MACROD2: variants seen among roughly 807,000 people sequenced by gnomAD.
The protein encoded by MACROD2 is ADP-ribose glycohydrolase MACROD2.
MACROD2 carries 36 observed loss-of-function variants against 70.4 expected under a neutral mutation model. The ratio of observed to expected loss-of-function variants is 0.51; its 90% CI spans 0.39 to 0.68. The LOEUF is 0.68. Ranked by LOEUF, MACROD2 falls within the 30% of genes least tolerant of loss-of-function variation. MACROD2 has a pLI of 0.00. For synonymous variants in MACROD2, 172 were observed against 178.8 expected, an observed-to-expected ratio of 0.96 and a Z score of 0.30; for missense variants, 496 against 538.4, an observed-to-expected ratio of 0.92 and a Z score of 0.78.
chr20:14,051,886 C>G (rs755161030), intron 2 of MACROD2: 1 of 515,986 alleles, frequency 1.9e-6, no homozygotes, highest in South Asian at 1.4e-5. Context: ...TATGCCACAT[C>G]TACTATAAAC....
At chr20:14,617,088 A>G (rs11699420) in intron 4 of MACROD2, among the ~76,000 whole-genome samples, 26,918 of 152,108 alleles carry the variant, frequency 0.18, 3,201 homozygotes, top group Non-Finnish European at 0.26. Context: ...CTAGTCATGT[A>G]TCATTCAGTC....
chr20:14,350,390 T>G (rs2122692273), intron 3 of MACROD2, among the ~76,000 whole-genome samples: 1 of 152,180 alleles, frequency 6.6e-6, no homozygotes, highest in Non-Finnish European at 1.5e-5. Flanking sequence ...TCGCCAGCAT[T>G]TATTATTGCC....
At chr20:14,818,351 A>G (rs2072797317) in intron 5 of MACROD2, among the ~76,000 whole-genome samples, 3 of 151,958 alleles carry the variant, frequency 2.0e-5, no homozygotes, top group Non-Finnish European at 4.4e-5. Flanking sequence ...AAATCCTACT[A>G]CCTTCTGGAG....
chr20:15,356,996 G>T (rs1432788932), intron 6 of MACROD2, among the ~76,000 whole-genome samples: 1 of 152,048 alleles, frequency 6.6e-6, no homozygotes, highest in Non-Finnish European at 1.5e-5. Flanking sequence ...GGATAACTTG[G>T]AAAATCCCTT....
intron 5 of MACROD2, among the ~76,000 whole-genome samples, chr20:14,911,702 T>G (rs2074029822): frequency 6.6e-6 from 1 of 152,020 alleles, no homozygotes; most frequent in Non-Finnish European, 1.5e-5. Flanking sequence ...TCCCCCTTCT[T>G]CTTGCTGATA....
intron 8 of MACROD2, among the ~76,000 whole-genome samples, chr20:15,516,594 G>A (rs2047570844): frequency 6.6e-6 from 1 of 152,112 alleles, no homozygotes; most frequent in Admixed American, 6.5e-5. Flanking sequence ...GGTGCGTTCT[G>A]GTTTGAACAG....
intron 3 of MACROD2, among the ~76,000 whole-genome samples, chr20:14,120,677 C>T (rs147458514): frequency 4.7e-4 from 71 of 150,074 alleles, no homozygotes; most frequent in African/African-American, 1.6e-3. Flanking sequence ...ATATATATCA[C>T]ATGTATTATA....
chr20:14,392,698 T>A (rs2083540053), intron 3 of MACROD2, among the ~76,000 whole-genome samples: 1 of 152,210 alleles, frequency 6.6e-6, no homozygotes, highest in African/African-American at 2.4e-5. Context: ...TGTATATGCC[T>A]GTTTGGACTG....
At chr20:15,775,490 G>T (rs1371053911) in intron 8 of MACROD2, among the ~76,000 whole-genome samples, 2 of 152,226 alleles carry the variant, frequency 1.3e-5, no homozygotes, top group Admixed American at 6.5e-5. Context: ...AAGGGAGGGG[G>T]TATAACAAGG....
rs944060074 is a variant in MACROD2, at chr20:14,463,441, A to G, written c.272-30038A>G. 1.3e-3 allele frequency among the ~76,000 whole-genome samples: 200 copies of G among 152,108 alleles called. 1 individual carries two copies. Among genetic ancestry groups the G allele is most frequent in the Non-Finnish European group, 1.7e-3 (117 of 68,000 alleles). On this transcript the variant is annotated intron_variant, in intron 3 of 17. Transcript: ENST00000684519. The stretch of plus-strand genomic sequence containing the variant: ...CAGCTTAAGGAGATTTTGGGCTGAG[A>G]TGATGGGGTTTTCTAAATATACAAT...
intron 8 of MACROD2, among the ~76,000 whole-genome samples, chr20:15,530,704 G>A (rs2047785722): frequency 7.9e-6 from 1 of 125,858 alleles, no homozygotes; most frequent in Admixed American, 9.1e-5. Flanking sequence ...GACAGAGTGA[G>A]ACTCCATCTC....
chr20:16,025,580 G>A (rs2147565768), intron 15 of MACROD2, among the ~76,000 whole-genome samples: 1 of 150,608 alleles, frequency 6.6e-6, no homozygotes, highest in East Asian at 2.1e-4. Context: ...AGTGGAGCTG[G>A]TGCTTTGATA....
intron 8 of MACROD2, among the ~76,000 whole-genome samples, chr20:15,652,022 T>TG: frequency 6.6e-6 from 1 of 152,162 alleles, no homozygotes; most frequent in Non-Finnish European, 1.5e-5. Context: ...TGCGTGGCCA[T>TG]GGGAGGTCTG....
intron 3 of MACROD2, among the ~76,000 whole-genome samples, chr20:14,462,063 T>C (rs2084379196): frequency 6.6e-6 from 1 of 152,188 alleles, no homozygotes; most frequent in South Asian, 2.1e-4. Flanking sequence ...ATGGGATGGC[T>C]GGGTCAAATG....
At chr20:14,996,796 G>A (rs2074953687) in intron 5 of MACROD2, among the ~76,000 whole-genome samples, 1 of 152,232 alleles carries the variant, frequency 6.6e-6, no homozygotes, top group South Asian at 2.1e-4. Flanking sequence ...CATGGAGGGA[G>A]CGTTTAGATC....
chr20:14,588,631 C>G (rs1344890046), intron 4 of MACROD2, among the ~76,000 whole-genome samples: 1 of 152,098 alleles, frequency 6.6e-6, no homozygotes, highest in Non-Finnish European at 1.5e-5. Flanking sequence ...CCTCAGCCTC[C>G]CGAGTAGCTG....
At chr20:14,703,349 A>G (rs1427119218) in intron 5 of MACROD2, among the ~76,000 whole-genome samples, 2 of 152,178 alleles carry the variant, frequency 1.3e-5, no homozygotes, top group Non-Finnish European at 2.9e-5. Flanking sequence ...GAATTAGAGA[A>G]CAAAGTCACG....
chr20:14,443,355 G>A (rs1043003861), intron 3 of MACROD2, among the ~76,000 whole-genome samples: 1 of 149,808 alleles, frequency 6.7e-6, no homozygotes, highest in Non-Finnish European at 1.5e-5. Flanking sequence ...GGAGTGCAGT[G>A]GCATAATCTC....
At chr20:14,203,390 T>A (rs748761108) in intron 3 of MACROD2, among the ~76,000 whole-genome samples, 1 of 152,148 alleles carries the variant, frequency 6.6e-6, no homozygotes, top group Non-Finnish European at 1.5e-5. Context: ...CATAGATTTT[T>A]TTTTCTTTGG....
Sources: gnomAD v4.1 joint callset for allele counts (sites outside exome capture counted in the v4.1 genomes callset) on GRCh38, gnomAD v4.1.1 for gene constraint, MANE v1.5 for transcripts, NCBI Gene and HGNC (gene_info 2026-07-23, HGNC 2026-07-21) for gene names.